DAAM1: variants seen among roughly 807,000 people sequenced by gnomAD.
DAAM1 encodes the protein dishevelled associated activator of morphogenesis 1.
DAAM1 carries 52 observed loss-of-function variants against 130.0 expected under a neutral mutation model. The ratio of observed to expected loss-of-function variants is 0.40; its 90% CI spans 0.32 to 0.50. DAAM1 has a LOEUF of 0.50. Among genes scored for constraint, DAAM1 ranks in the 20% least tolerant of loss-of-function variants. The pLI, the probability that DAAM1 is intolerant of heterozygous loss-of-function variation, is 0.61. For missense variants in DAAM1, 1,134 were observed against 1,303.8 expected (o/e 0.87, Z 2.01); for synonymous variants, 452 against 444.5 (o/e 1.02, Z -0.21).
Position 59,323,262 on chromosome 14 carries a change from T to A in DAAM1, c.774+37T>A, listed in dbSNP as rs200378702. 1.1e-5 allele frequency: 17 copies of A among 1,529,028 alleles called. No homozygotes were observed. The East Asian group carries it at 3.6e-4, about 32-fold the overall frequency. The allele number at this position is 1,529,028 out of a possible 1,614,324, so 94.7% of individuals were successfully genotyped here. A position where few individuals can be genotyped will look rare whatever the true frequency, so the allele number is the denominator to read the frequency against. ...CTCAGCCTTCTTCACTCACCCCTTC[T>A]TTAAAGTCTGCTCAAACACGTGCTT... On this transcript the variant is annotated intron_variant, in intron 6 of 24. Coordinates refer to ENST00000360909, the MANE Select transcript of DAAM1 (RefSeq NM_001270520.2).
chr14:59,263,412 C>T, intron 1 of DAAM1, 29 bp from the exon 2 acceptor site: 6 of 1,592,436 alleles, frequency 3.8e-6, no homozygotes, highest in Non-Finnish European at 5.2e-6. Flanking sequence ...TTCCTGTACT[C>T]TTAACCATGT....
chr14:59,348,133 G>A (rs1886151919), intron 17 of DAAM1, among the ~76,000 whole-genome samples: 1 of 152,250 alleles, frequency 6.6e-6, no homozygotes. Flanking sequence ...AATGTCTTGG[G>A]GCTAAGTCTT....
At chr14:59,358,889 A>C (rs916306928) in intron 20 of DAAM1, among the ~76,000 whole-genome samples, 2 of 151,124 alleles carry the variant, frequency 1.3e-5, no homozygotes, top group African/African-American at 4.9e-5. Context: ...GCTGCTCTGT[A>C]CTTTAGACTT....
intron 1 of DAAM1, among the ~76,000 whole-genome samples, chr14:59,228,778 C>T (rs1182177927): frequency 6.6e-6 from 1 of 152,194 alleles, no homozygotes; most frequent in Non-Finnish European, 1.5e-5. Context: ...TCCTTGCCTA[C>T]CTTTTCCCTC....
chr14:59,242,176 A>G (rs370120226), intron 1 of DAAM1, among the ~76,000 whole-genome samples: 3 of 152,324 alleles, frequency 2.0e-5, no homozygotes, highest in South Asian at 2.1e-4. Flanking sequence ...TAGACTAGTA[A>G]TATTTTTTTC....
chr14:59,318,379 A>G (rs1175720892), intron 4 of DAAM1, among the ~76,000 whole-genome samples: 1 of 151,664 alleles, frequency 6.6e-6, no homozygotes, highest in Non-Finnish European at 1.5e-5. Flanking sequence ...GCTTTGACAG[A>G]AAGACCCTCT....
At chr14:59,226,684 C>T (rs761714475) in intron 1 of DAAM1, among the ~76,000 whole-genome samples, 3 of 152,282 alleles carry the variant, frequency 2.0e-5, no homozygotes, top group Admixed American at 6.5e-5. Context: ...AGCAATTTAA[C>T]GTGCTTATTC....
intron 2 of DAAM1, among the ~76,000 whole-genome samples, chr14:59,290,596 C>G (rs1468807982): frequency 6.6e-6 from 1 of 152,104 alleles, no homozygotes; most frequent in African/African-American, 2.4e-5. Context: ...AACTTCATTG[C>G]CTCAATTCAT....
intron 1 of DAAM1, among the ~76,000 whole-genome samples, chr14:59,224,549 C>T (rs981205603): frequency 1.3e-5 from 2 of 152,224 alleles, no homozygotes; most frequent in Non-Finnish European, 2.9e-5. Flanking sequence ...GAATTTGCCT[C>T]AGATGAATCA....
chr14:59,287,124 G>A (rs545196002), intron 2 of DAAM1, among the ~76,000 whole-genome samples: 21 of 152,260 alleles, frequency 1.4e-4, no homozygotes, highest in South Asian at 1.2e-3. Flanking sequence ...TGCAAAGTTG[G>A]TTTAACATAT....
At chr14:59,355,439 G>GAAGTTCTC in intron 20 of DAAM1, 106 bp downstream of exon 20, 1 of 1,355,350 alleles carries the variant, frequency 7.4e-7, no homozygotes, top group Non-Finnish European at 1.0e-6. Context: ...GCATTCTTCA[G>GAAGTTCTC]TTGGAACTTC....
chr14:59,253,192 A>G (rs1459744647), intron 1 of DAAM1, among the ~76,000 whole-genome samples: 1 of 152,200 alleles, frequency 6.6e-6, no homozygotes, highest in Admixed American at 6.5e-5. Flanking sequence ...AGATGATAAA[A>G]CTGAGTTTCA....
chr14:59,199,958 G>T (rs1888048016), intron 1 of DAAM1, among the ~76,000 whole-genome samples: 1 of 152,138 alleles, frequency 6.6e-6, no homozygotes, highest in African/African-American at 2.4e-5. Flanking sequence ...AGTTTTGGAT[G>T]GTCTGAAGAC....
At chr14:59,236,491 T>C (rs1889304568) in intron 1 of DAAM1, among the ~76,000 whole-genome samples, 1 of 152,142 alleles carries the variant, frequency 6.6e-6, no homozygotes, top group Non-Finnish European at 1.5e-5. Context: ...GCTGGAACAC[T>C]CTTTTCTTAG....
intron 24 of DAAM1, among the ~76,000 whole-genome samples, chr14:59,368,308 TTTGGGGTCTATG>T (rs1289054449): frequency 6.6e-6 from 1 of 152,196 alleles, no homozygotes; most frequent in East Asian, 1.9e-4. Context: ...GCTTTAGTTA[TTTGGGGTCTATG>T]TAATAGTGAT....
intron 16 of DAAM1, among the ~76,000 whole-genome samples, chr14:59,342,259 G>A (rs561696941): frequency 7.0e-4 from 106 of 152,230 alleles, no homozygotes; most frequent in African/African-American, 2.0e-3. Context: ...TTTGAGTCCC[G>A]TTTGACCTGC....
chr14:59,327,405 T>TTTTTTTTTTTTTTTTTTTTTTTTTTG (rs1885253933), intron 12 of DAAM1, among the ~76,000 whole-genome samples: 1 of 119,372 alleles, frequency 8.4e-6, no homozygotes, highest in Non-Finnish European at 1.7e-5. Flanking sequence ...TTGGTTTCTT[T>TTTTTTTTTTTTTTTTTTTTTTTTTTG]TTTTTTTTTT....
intron 2 of DAAM1, among the ~76,000 whole-genome samples, chr14:59,278,949 T>C (rs1883092317): frequency 6.6e-6 from 1 of 151,976 alleles, no homozygotes; most frequent in Admixed American, 6.6e-5. Context: ...AAACAGAATT[T>C]TCTTTTCTTA....
intron 1 of DAAM1, among the ~76,000 whole-genome samples, chr14:59,250,171 G>A (rs1031557133): frequency 3.3e-5 from 5 of 152,050 alleles, no homozygotes; most frequent in Non-Finnish European, 7.4e-5. Context: ...CTGACATAAC[G>A]GCTTTAGTGA....
Sources: gnomAD v4.1 joint callset for allele counts (sites outside exome capture counted in the v4.1 genomes callset) on GRCh38, gnomAD v4.1.1 for gene constraint, MANE v1.5 for transcripts, NCBI Gene and HGNC (gene_info 2026-07-23, HGNC 2026-07-21) for gene names.